OSBPL10: variants seen among roughly 807,000 people sequenced by gnomAD.
OSBPL10 encodes oxysterol binding protein like 10, also known as oxysterol-binding protein-related protein 10.
A neutral mutation model predicts 81.7 loss-of-function variants in OSBPL10; 49 were observed. The observed-to-expected ratio is 0.60, with a 90% CI of 0.48 to 0.76. The LOEUF is 0.76. Ranked by LOEUF, OSBPL10 falls within the 30% of genes least tolerant of loss-of-function variation. The pLI, the probability that OSBPL10 is intolerant of heterozygous loss-of-function variation, is 0.00. For synonymous variants in OSBPL10, 419 were observed against 383.6 expected (o/e 1.09, Z -1.08); for missense variants, 923 against 987.8 (o/e 0.93, Z 0.88).
rs1553622722 is a variant in OSBPL10, at chr3:31,761,821, A to AAAAAAAAAAAAAC, written c.730-13702_730-13701insGTTTTTTTTTTTT. 1.2e-3 allele frequency among the ~76,000 whole-genome samples: 163 copies of AAAAAAAAAAAAAC among 138,064 alleles called. 5 individuals carry two copies. The highest frequency in any genetic ancestry group is 4.9e-3 in the African/African-American group (145 of 29,546). 90.6% of individuals were successfully genotyped at this position (138,064 alleles called of 152,430 possible). ...CAGAGCAAGACTGTCTCTAAAAAAA[A>AAAAAAAAAAAAAC]AAAAAAAAAACCCTAAAGGGAGTCA... On this transcript the variant is annotated intron_variant, in intron 4 of 11. Transcript: ENST00000396556.
chr3:31,846,225 T>C (rs1484051060), intron 3 of OSBPL10, among the ~76,000 whole-genome samples: 2 of 152,174 alleles, frequency 1.3e-5, no homozygotes, highest in Admixed American at 1.3e-4. Context: ...ATTGCCCAGG[T>C]TGGTCTCAAG....
chr3:31,690,361 T>G (rs1351963224), intron 7 of OSBPL10, among the ~76,000 whole-genome samples: 1 of 152,180 alleles, frequency 6.6e-6, no homozygotes, highest in African/African-American at 2.4e-5. Flanking sequence ...CCCCAGAACT[T>G]GTACAGCCTG....
chr3:31,988,309 G>A (rs1489173894), intron 2 of OSBPL10, among the ~76,000 whole-genome samples: 9 of 152,164 alleles, frequency 5.9e-5, no homozygotes, highest in African/African-American at 2.2e-4. Context: ...GACTTAGATG[G>A]TGAGATTGTG....
chr3:32,028,061 G>C (rs534903304), intron 2 of OSBPL10, among the ~76,000 whole-genome samples: 244 of 152,278 alleles, frequency 1.6e-3, no homozygotes, highest in Non-Finnish European at 2.8e-3. Context: ...TCTTGTTCAT[G>C]ATGGCCCTAA....
chr3:31,952,211 C>T (rs1559529992), intron 1 of OSBPL10, among the ~76,000 whole-genome samples: 1 of 151,614 alleles, frequency 6.6e-6, no homozygotes. Context: ...GAAAGCCATG[C>T]CTTAGTACAC....
At chr3:31,968,542 T>C (rs1312515778) in intron 1 of OSBPL10, among the ~76,000 whole-genome samples, 1 of 151,526 alleles carries the variant, frequency 6.6e-6, no homozygotes, top group African/African-American at 2.4e-5. Flanking sequence ...TTACCCAGAC[T>C]TAAACTTGAT....
chr3:31,694,786 C>T (rs189598633), intron 7 of OSBPL10, among the ~76,000 whole-genome samples: 5 of 152,122 alleles, frequency 3.3e-5, no homozygotes, highest in African/African-American at 1.2e-4. Context: ...CGGACTTTCA[C>T]TCTTGTTGCC....
At chr3:31,744,917 T>C (rs1423251373) in intron 5 of OSBPL10, among the ~76,000 whole-genome samples, 1 of 152,194 alleles carries the variant, frequency 6.6e-6, no homozygotes, top group Non-Finnish European at 1.5e-5. Flanking sequence ...GCCTATTACA[T>C]TGCAGAAGCT....
intron 1 of OSBPL10, among the ~76,000 whole-genome samples, chr3:31,920,692 GGGA>G (rs748587749): frequency 1.6e-4 from 24 of 152,162 alleles, no homozygotes; most frequent in Non-Finnish European, 1.8e-4. Context: ...GGGGCCTGGT[GGGA>G]GGTGCCTGGG....
At chr3:31,834,807 GA>G (rs1428639920) in intron 3 of OSBPL10, among the ~76,000 whole-genome samples, 2 of 152,146 alleles carry the variant, frequency 1.3e-5, no homozygotes, top group African/African-American at 4.8e-5. Context: ...CAGTACTATG[GA>G]CAGTGTGGGG....
At chr3:31,944,059 AT>A (rs1697621505) in intron 1 of OSBPL10, among the ~76,000 whole-genome samples, 1 of 150,138 alleles carries the variant, frequency 6.7e-6, no homozygotes, top group Non-Finnish European at 1.5e-5. Flanking sequence ...GCATAACTTT[AT>A]TAACTATTCC....
intron 2 of OSBPL10, among the ~76,000 whole-genome samples, chr3:32,005,548 A>C (rs979358537): frequency 5.9e-5 from 9 of 152,012 alleles, no homozygotes; most frequent in Non-Finnish European, 1.0e-4. Flanking sequence ...CAGACACTCA[A>C]ACTTGGTATT....
In OSBPL10 at chr3:31,817,120, GGCCATGGGCA is replaced by G. The variant is rs1359618182; in HGVS notation, c.729+12910_729+12919del. Among the ~76,000 whole-genome samples the G allele has an allele frequency of 8.5e-5, 13 of 152,300 alleles. No individual in the cohort carries two copies. In the East Asian group the frequency reaches 1.9e-3, roughly 23 times the overall value. ...AGTACATGCCAACTGGTCCATGGGT[GGCCATGGGCA>G]GCCATGGGCGGGCCTGGAAGAGGCG... On this transcript the variant is annotated intron_variant, in intron 4 of 11. Coordinates refer to ENST00000396556, the MANE Select transcript of OSBPL10 (RefSeq NM_017784.5).
intron 4 of OSBPL10, among the ~76,000 whole-genome samples, chr3:31,784,571 T>C (rs1698810709): frequency 6.6e-6 from 1 of 152,044 alleles, no homozygotes; most frequent in Non-Finnish European, 1.5e-5. Context: ...TAAATGACAA[T>C]AGCAAAAATG....
chr3:32,004,832 A>T (rs1259954869), intron 2 of OSBPL10, among the ~76,000 whole-genome samples: 1 of 152,180 alleles, frequency 6.6e-6, no homozygotes, highest in East Asian at 1.9e-4. Flanking sequence ...GGATAGCTAG[A>T]ATTTTTACAG....
chr3:31,809,656 C>A (rs1699622315), intron 4 of OSBPL10, among the ~76,000 whole-genome samples: 1 of 152,162 alleles, frequency 6.6e-6, no homozygotes, highest in Admixed American at 6.5e-5. Context: ...TTACCAGACA[C>A]TAAAGTATAT....
At chr3:31,790,783 T>G (rs933688546) in intron 4 of OSBPL10, among the ~76,000 whole-genome samples, 1 of 152,164 alleles carries the variant, frequency 6.6e-6, no homozygotes, top group African/African-American at 2.4e-5. Flanking sequence ...CTGGCAGCAA[T>G]CTACACAACA....
At chr3:31,812,000 C>T (rs887180673) in intron 4 of OSBPL10, among the ~76,000 whole-genome samples, 1 of 152,090 alleles carries the variant, frequency 6.6e-6, no homozygotes, top group Non-Finnish European at 1.5e-5. Context: ...CTCACCTGGC[C>T]AAGTTATTAT....
chr3:31,684,073 C>T lies in OSBPL10; in HGVS notation c.1287G>A (p.Leu429=). The part of the protein sequence containing the change: ...PTFILEKRSL[L]EMYADFMAHP... ...GCGCCATGAAATCTGCATACATCTC[C>T]AGCAAAGATCGCTTCTCCAGGATAA... Residue 429 remains leucine (L), a synonymous_variant, in exon 8 of 12, where the codon CTG becomes CTA. Coordinates refer to ENST00000396556, the MANE Select transcript of OSBPL10 (RefSeq NM_017784.5). 3 of 1,614,166 alleles carry T rather than the reference C, an allele frequency of 1.9e-6. No homozygotes were observed. The highest frequency in any genetic ancestry group is 2.2e-5 in the South Asian group (2 of 91,080).
Sources: allele counts gnomAD v4.1 joint callset (sites outside exome capture counted in the v4.1 genomes callset), GRCh38; gene constraint gnomAD v4.1.1; transcripts MANE v1.5; gene names NCBI Gene and HGNC (gene_info 2026-07-23, HGNC 2026-07-21).